The following EXOSC2 variants were observed in gnomAD, a reference collection of about 807,000 sequenced individuals.
EXOSC2 encodes exosome complex component RRP4.
A neutral mutation model predicts 37.6 loss-of-function variants in EXOSC2; 29 were observed. The observed-to-expected ratio is 0.77, with a 90% CI of 0.57 to 1.05. The LOEUF (loss-of-function observed/expected upper bound fraction) is 1.05, where lower values mean the gene tolerates loss of function less well. Among genes scored for constraint, EXOSC2 ranks in the 50% least tolerant of loss-of-function variants. The pLI is 0.00. For synonymous variants in EXOSC2, 119 were observed against 131.1 expected, an observed-to-expected ratio of 0.91 and a Z score of 0.63; for missense variants, 346 against 365.6, an observed-to-expected ratio of 0.95 and a Z score of 0.44.
chr9:130,695,687 C>T lies in EXOSC2; in HGVS notation c.224+94C>T, dbSNP rs1015936712. 6.0e-5 allele frequency: 61 copies of T among 1,022,870 alleles called. No individual in the cohort carries two copies. In the African/African-American group the frequency reaches 7.2e-4, roughly 12 times the overall value. 63.4% of individuals were successfully genotyped at this position (1,022,870 alleles called of 1,614,324 possible). The stretch of plus-strand genomic sequence containing the variant: ...CTCCTTATCCCCCACCCCACCCCTG[C>T]CTGCCCTGTCATGCTGTAAGTCTGA... On this transcript the variant is annotated intron_variant, in intron 2 of 8. Transcript: ENST00000372358.
intron 5 of EXOSC2, among the ~76,000 whole-genome samples, chr9:130,700,511 C>T (rs899836938): frequency 4.0e-5 from 6 of 151,738 alleles, no homozygotes; most frequent in Non-Finnish European, 5.9e-5. Context: ...AGGCATGCGC[C>T]ACTATGCCCG....
At chr9:130,696,545 A>G (rs183552129) in intron 2 of EXOSC2, among the ~76,000 whole-genome samples, 2 of 152,272 alleles carry the variant, frequency 1.3e-5, no homozygotes, top group African/African-American at 4.8e-5. Flanking sequence ...GGCTTCAACT[A>G]AGGTGGGAGC....
chr9:130,700,914 G>C lies in EXOSC2; in HGVS notation c.474G>C (p.Thr158=). 6.2e-7 allele frequency: 1 copy of C among 1,614,034 alleles called. No homozygotes were observed. Among genetic ancestry groups the C allele is most frequent in the African/African-American group, 1.3e-5 (1 of 75,014 alleles). Residue 158 remains threonine (T), a synonymous_variant, in exon 6 of 9, where the codon ACG becomes ACC. Transcript: ENST00000372358. The part of the protein sequence containing the change: ...VFSDGAVSLH[T]RSLKYGKLGQ... ...CTGACGGAGCTGTCTCTTTGCACAC[G>C]AGGAGCCTGAAATATGGAAAAGTAA...
intron 5 of EXOSC2, among the ~76,000 whole-genome samples, chr9:130,700,149 A>G (rs1178918846): frequency 1.3e-5 from 2 of 150,762 alleles, no homozygotes; most frequent in South Asian, 2.1e-4. Context: ...TAGCCTCCCA[A>G]ATAGCTAGGA....
At chr9:130,700,094 C>A (rs1256497963) in intron 5 of EXOSC2, among the ~76,000 whole-genome samples, 1 of 152,022 alleles carries the variant, frequency 6.6e-6, no homozygotes, top group African/African-American at 2.4e-5. Context: ...GGCGCGATCT[C>A]GGCTCACTGC....
Position 130,703,862 on chromosome 9 carries a change from G to A in EXOSC2, c.*88G>A, listed in dbSNP as rs1831271648. 5 of 1,075,100 alleles carry A rather than the reference G, an allele frequency of 4.7e-6. No individual in the cohort carries two copies. The highest frequency in any genetic ancestry group is 6.8e-6 in the Non-Finnish European group (5 of 732,432). The allele number at this position is 1,075,100 out of a possible 1,614,324, so 66.6% of individuals were successfully genotyped here. On this transcript the variant is annotated 3_prime_UTR_variant, in exon 9 of 9. Transcript: ENST00000372358. ...CCCATATGTGGCTCAGCAAAGACTC[G>A]AGAGATCATCCCTTTGTCTGCATTG... is the stretch of plus-strand genomic sequence containing the variant.
At position 130,703,614 on chromosome 9, in the gene EXOSC2, C is replaced by T. The variant is rs1470982823; in HGVS notation, c.802-80C>T. The T allele has an allele frequency of 9.9e-6, 11 of 1,114,762 alleles. No homozygotes were observed. The East Asian group carries it at 1.9e-4, about 19-fold the overall frequency. The allele number at this position is 1,114,762 out of a possible 1,614,324, so 69.1% of individuals were successfully genotyped here. ...GAATACAGAAAGTTTATGTTAACGG[C>T]TTGATTTATGTTTGGATTGGCTTGG... On this transcript the variant is annotated intron_variant, in intron 8 of 8. Coordinates refer to ENST00000372358, the MANE Select transcript of EXOSC2 (RefSeq NM_014285.7).
intron 5 of EXOSC2, 115 bp downstream of exon 5, chr9:130,699,509 C>G (rs915531000): frequency 5.6e-6 from 6 of 1,064,836 alleles, no homozygotes; most frequent in East Asian, 2.4e-5. Flanking sequence ...GGATCCGAGT[C>G]TTAGACCAAG....
chr9:130,702,062 A>G (rs1831227472), intron 6 of EXOSC2, 72 bp from the exon 7 acceptor site: 3 of 1,544,174 alleles, frequency 1.9e-6, no homozygotes, highest in Non-Finnish European at 2.6e-6. Context: ...CTTAGGATGT[A>G]TATTCTGTAG....
intron 7 of EXOSC2, among the ~76,000 whole-genome samples, 171 bp from the exon 8 acceptor site, chr9:130,702,882 T>A (rs1831249027): frequency 6.6e-6 from 1 of 152,154 alleles, no homozygotes; most frequent in Non-Finnish European, 1.5e-5. Context: ...CATGAGACAC[T>A]GCACCCTGCC....
chr9:130,701,868 G>T, intron 6 of EXOSC2: 1 of 1,222,492 alleles, frequency 8.2e-7, no homozygotes, highest in Non-Finnish European at 1.0e-6. Context: ...TGGCACATGA[G>T]TTCTGGCTTA....
chr9:130,701,909 C>T (rs1831223283), intron 6 of EXOSC2: 1 of 1,359,372 alleles, frequency 7.4e-7, no homozygotes, highest in African/African-American at 1.5e-5. Context: ...AGGGAAATGA[C>T]AGAGAAGAGT....
Position 130,699,404 on chromosome 9 carries a change from G to C in EXOSC2, c.426+10G>C, listed in dbSNP as rs780105414. 6.2e-7 allele frequency: 1 copy of C among 1,613,760 alleles called. No homozygotes were observed. The highest frequency in any genetic ancestry group is 8.5e-7 in the Non-Finnish European group (1 of 1,179,670). On this transcript the variant is annotated intron_variant, in intron 5 of 8. Coordinates refer to ENST00000372358, the MANE Select transcript of EXOSC2 (RefSeq NM_014285.7). ...AGGGGACCTTATCAGTGTATCCTGC[G>C]CTTTGCACTCCAGCCTCTTGATGCT... is the stretch of plus-strand genomic sequence containing the variant.
chr9:130,701,013 T>G lies in EXOSC2; in HGVS notation c.495+78T>G, dbSNP rs1831203961. Reference sequence around the variant, plus strand: ...TTTGAATCCCCATAGCTCTCTGGAATTCTGGCCTAAAGAACCCCAGTAGCT... The same window carrying G: ...TTTGAATCCCCATAGCTCTCTGGAAGTCTGGCCTAAAGAACCCCAGTAGCT... On this transcript the variant is annotated intron_variant, in intron 6 of 8. Transcript: ENST00000372358. 2.7e-6 allele frequency: 4 copies of G among 1,455,670 alleles called. No individual in the cohort carries two copies. The Admixed American group carries it at 7.2e-5, about 26-fold the overall frequency. 90.2% of individuals were successfully genotyped at this position (1,455,670 alleles called of 1,614,324 possible).
rs146807696 is a variant in EXOSC2, at chr9:130,703,715, G to A, written c.823G>A (p.Glu275Lys). The change falls in exon 9 of 9, where the codon GAA becomes AAA. Residue 275 changes from glutamate to lysine, a missense_variant. Transcript: ENST00000372358. The part of the protein sequence containing the change: ...PHQIKDILKP[E>K]IMEEIVMETR... ...TCAGATCAAAGACATCTTAAAGCCA[G>A]AAATAATGGAGGAGATTGTGATGGA... is the stretch of plus-strand genomic sequence containing the variant. The A allele has an allele frequency of 1.8e-4, 293 of 1,613,734 alleles. No individual in the cohort carries two copies. Among genetic ancestry groups the A allele is most frequent in the Non-Finnish European group, 2.3e-4 (271 of 1,179,862 alleles).
rs1340782220 is a variant in EXOSC2, at chr9:130,703,158, T to G, written c.778T>G (p.Tyr260Asp). 6.2e-7 allele frequency: 1 copy of G among 1,612,870 alleles called. No individual in the cohort carries two copies. Among genetic ancestry groups the G allele is most frequent in the Non-Finnish European group, 8.5e-7 (1 of 1,179,188 alleles). The part of the protein sequence containing the change: ...MLYDTSILYC[Y>D]EASLPHQIKD... ...GTATGATACCAGCATCCTGTACTGC[T>G]ATGAAGCATCCCTTCCACATCAGGT... Residue 260 changes from tyrosine (Y) to aspartate (D), a missense_variant, in exon 8 of 9, where the codon TAT becomes GAT. Physicochemically the swap from Tyr to Asp is radical, Grantham distance 160. Coordinates refer to ENST00000372358, the MANE Select transcript of EXOSC2 (RefSeq NM_014285.7).
At chr9:130,703,278 C>T (rs1384431735) in intron 8 of EXOSC2, 97 bp downstream of exon 8, 2 of 1,405,750 alleles carry the variant, frequency 1.4e-6, no homozygotes, top group Non-Finnish European at 1.9e-6. Context: ...ACTTTCCCAA[C>T]ATCCGTCAGT....
At chr9:130,703,319 G>T in intron 8 of EXOSC2, 138 bp downstream of exon 8, 1 of 970,618 alleles carries the variant, frequency 1.0e-6, no homozygotes, top group South Asian at 1.8e-5. Flanking sequence ...CTTAATGAGT[G>T]TCTGGTAGAT....
rs1831034015 is a variant in EXOSC2 at position 130,693,869 on chromosome 9, A to G, written c.78A>G (p.Leu26=). Residue 26 remains leucine, a synonymous_variant, in exon 1 of 9, where the codon CTA becomes CTG. Transcript: ENST00000372358. ...ERLGRDTKKH[L]VVPGDTITTD... is the part of the protein sequence containing the mutation. ...TGGGCCGCGACACTAAGAAACATCT[A>G]GTGGTGCCGGGGGATACAATCACTA... 1.2e-6 allele frequency: 2 copies of G among 1,612,582 alleles called. No individual in the cohort carries two copies. The highest frequency in any genetic ancestry group is 1.7e-6 in the Non-Finnish European group (2 of 1,178,944).
Sources: gnomAD v4.1 joint callset for allele counts (sites outside exome capture counted in the v4.1 genomes callset) on GRCh38, gnomAD v4.1.1 for gene constraint, MANE v1.5 for transcripts, NCBI Gene and HGNC (gene_info 2026-07-23, HGNC 2026-07-21) for gene names.